The following GINS1 variants were observed in gnomAD, a reference collection of about 807,000 sequenced individuals.
The protein encoded by GINS1 is DNA replication complex GINS protein PSF1.
A neutral mutation model predicts 34.9 loss-of-function variants in GINS1; 26 were observed. The ratio of observed to expected loss-of-function variants is 0.74; its 90% CI spans 0.55 to 1.03. The LOEUF is 1.03. Among genes scored for constraint, GINS1 ranks in the 50% least tolerant of loss-of-function variants. GINS1 has a pLI of 0.00. For missense variants in GINS1, 235 were observed against 237.9 expected, an observed-to-expected ratio of 0.99 and a Z score of 0.08; for synonymous variants, 97 against 84.4, an observed-to-expected ratio of 1.15 and a Z score of -0.82.
Position 25,407,848 on chromosome 20 carries a change from A to C in GINS1, c.28A>C (p.Ile10Leu). The C allele has an allele frequency of 6.2e-7, 1 of 1,614,016 alleles. No homozygotes were observed. The highest frequency in any genetic ancestry group is 8.5e-7 in the Non-Finnish European group (1 of 1,179,980). The change falls in exon 1 of 7, where the codon ATC becomes CTC. Residue 10 changes from isoleucine to leucine, a missense_variant. Coordinates refer to ENST00000262460, the MANE Select transcript of GINS1 (RefSeq NM_021067.5). MFCEKAMEL[I>L]RELHRAPEGQ... ...GTTCTGCGAAAAAGCCATGGAACTG[A>C]TCCGCGAGCTGCATCGCGCGCCCGA...
chr20:25,429,064 C>G (rs1386907391), intron 5 of GINS1, among the ~76,000 whole-genome samples: 1 of 143,386 alleles, frequency 7.0e-6, no homozygotes, highest in East Asian at 2.2e-4. Context: ...TCTTGGCTCA[C>G]TGCAACCTCC....
At chr20:25,435,787 AAC>A (rs1419501002) in intron 5 of GINS1, among the ~76,000 whole-genome samples, 1,447 of 119,460 alleles carry the variant, frequency 0.012, 50 homozygotes, top group African/African-American at 0.038. Flanking sequence ...AAAAAAAAAA[AAC>A]CAACTTTTTG....
At chr20:25,425,409 G>A (rs2090385396) in intron 5 of GINS1, 82 bp downstream of exon 5, 10 of 639,302 alleles carry the variant, frequency 1.6e-5, no homozygotes, top group Admixed American at 2.6e-5. Context: ...ATATGAATAT[G>A]TGTTAGCTTC....
chr20:25,446,126 C>T lies in GINS1; in HGVS notation c.*135C>T. ...GTTTAAGATAACTAAGAATACTTGG[C>T]TAAGAAGTATAATTTGCTAACTATT... On this transcript the variant is annotated 3_prime_UTR_variant, in exon 7 of 7. Transcript: ENST00000262460. 1 of 512,334 alleles carries T rather than the reference C, an allele frequency of 2.0e-6. No homozygotes were observed. The allele number at this position is 512,334 out of a possible 1,614,324, so 31.7% of individuals were successfully genotyped here. A position where few individuals can be genotyped will look rare whatever the true frequency, so the allele number is the denominator to read the frequency against.
Position 25,418,951 on chromosome 20 carries a change from C to CT in GINS1, c.330+757dup, listed in dbSNP as rs549010408. Among the ~76,000 whole-genome samples the CT allele has an allele frequency of 1.1e-4, 16 of 152,344 alleles. No individual in the cohort carries two copies. In the South Asian group the frequency reaches 1.9e-3, roughly 18 times the overall value. On this transcript the variant is annotated intron_variant, in intron 4 of 6. Coordinates refer to ENST00000262460, the MANE Select transcript of GINS1 (RefSeq NM_021067.5). ...CTTTCTGGGGTAGCCAGTCCCAACT[C>CT]TGAGTCATCTTGTTAGCACAGACTA...
rs866823134 is a variant in GINS1, at chr20:25,412,081, C to A, written c.76-1709C>A. Among the ~76,000 whole-genome samples the A allele has an allele frequency of 2.6e-5, 4 of 152,118 alleles. No individual in the cohort carries two copies. In the Middle Eastern group the frequency reaches 0.014, roughly 517 times the overall value. On this transcript the variant is annotated intron_variant, in intron 1 of 6. Coordinates refer to ENST00000262460, the MANE Select transcript of GINS1 (RefSeq NM_021067.5). Reference sequence around the variant, plus strand: ...TGAGATCGCACTACTGCACTCCAACCTGGGCCACAGAGTGAGACTTCATCT... The same window carrying A: ...TGAGATCGCACTACTGCACTCCAACATGGGCCACAGAGTGAGACTTCATCT...
At chr20:25,443,651 G>A (rs903879434) in intron 6 of GINS1, among the ~76,000 whole-genome samples, 1 of 151,672 alleles carries the variant, frequency 6.6e-6, no homozygotes, top group Non-Finnish European at 1.5e-5. Context: ...GCTAATTTTT[G>A]TATATTTTTT....
At position 25,446,243 on chromosome 20, in the gene GINS1, C is replaced by G. The variant is rs921728320; in HGVS notation, c.*252C>G. On this transcript the variant is annotated 3_prime_UTR_variant, in exon 7 of 7. Coordinates refer to ENST00000262460, the MANE Select transcript of GINS1 (RefSeq NM_021067.5). Reference sequence around the variant, plus strand: ...GTAGAGACTGTCTCACTATGTTGCCCAAGCTGGTCTCAAACTCCTGGCCTC... The same window carrying G: ...GTAGAGACTGTCTCACTATGTTGCCGAAGCTGGTCTCAAACTCCTGGCCTC... 2 of 332,884 alleles carry G rather than the reference C, an allele frequency of 6.0e-6. No individual in the cohort carries two copies. The highest frequency in any genetic ancestry group is 9.3e-5 in the Admixed American group (2 of 21,610). 20.6% of individuals were successfully genotyped at this position (332,884 alleles called of 1,614,324 possible).
intron 5 of GINS1, among the ~76,000 whole-genome samples, chr20:25,428,969 C>CTCTTTTTTTTTTTTT (rs2090410211): frequency 1.6e-5 from 2 of 127,442 alleles, no homozygotes; most frequent in Admixed American, 8.0e-5. Context: ...ATTCCTCTCT[C>CTCTTTTTTTTTTTTT]TTTTTTTTTT....
At chr20:25,408,792 A>G (rs2090264197) in intron 1 of GINS1, 1 of 312,200 alleles carries the variant, frequency 3.2e-6, no homozygotes, top group African/African-American at 2.2e-5. Context: ...GCCTAAGGTG[A>G]CACAGCAAGA....
chr20:25,428,329 T>C (rs2146209402), intron 5 of GINS1, among the ~76,000 whole-genome samples: 1 of 151,978 alleles, frequency 6.6e-6, no homozygotes, highest in African/African-American at 2.4e-5. Flanking sequence ...TTAATTTTTG[T>C]ATGGTGTTAG....
chr20:25,410,260 G>A (rs1174530661), intron 1 of GINS1, among the ~76,000 whole-genome samples: 1 of 151,988 alleles, frequency 6.6e-6, no homozygotes, highest in Admixed American at 6.6e-5. Context: ...AGAATGGCTT[G>A]AATCTGGGAG....
intron 4 of GINS1, among the ~76,000 whole-genome samples, chr20:25,418,901 C>T (rs2090337587): frequency 6.6e-6 from 1 of 152,158 alleles, no homozygotes. Context: ...GGCCAAAGGC[C>T]CAATACTTTA....
At position 25,417,093 on chromosome 20, in the gene GINS1, G is replaced by T. The variant is rs756456834; in HGVS notation, c.141-11G>T. 5 of 1,275,956 alleles carry T rather than the reference G, an allele frequency of 3.9e-6. No homozygotes were observed. The highest frequency in any genetic ancestry group is 4.5e-6 in the Non-Finnish European group (4 of 886,784). 79.0% of individuals were successfully genotyped at this position (1,275,956 alleles called of 1,614,324 possible). On this transcript the variant is annotated splice_polypyrimidine_tract_variant and intron_variant, in intron 2 of 6. Transcript: ENST00000262460. ...GTACATATTTTTTTTCTTTTTAAAT[G>T]CTCCTATCAGGAATGAAGCAAAGTC... is the stretch of plus-strand genomic sequence containing the variant.
At chr20:25,411,868 G>A (rs977604093) in intron 1 of GINS1, among the ~76,000 whole-genome samples, 35 of 151,790 alleles carry the variant, frequency 2.3e-4, no homozygotes, top group African/African-American at 7.3e-4. Flanking sequence ...GCTTGGACCC[G>A]GGAGACGGAG....
chr20:25,407,734 G>T lies in GINS1; in HGVS notation c.-87G>T, dbSNP rs971833680. On this transcript the variant is annotated 5_prime_UTR_variant, in exon 1 of 7. Transcript: ENST00000262460. The stretch of plus-strand genomic sequence containing the variant: ...GAGCCTGGCGCTGTAGGACTAGAAC[G>T]AAAGGAGTGAGGCGCCGAGAGCCCA... The T allele has an allele frequency of 3.3e-5, 34 of 1,028,314 alleles. No homozygotes were observed. The Admixed American group carries it at 6.2e-4, about 19-fold the overall frequency. The allele number at this position is 1,028,314 out of a possible 1,614,324, so 63.7% of individuals were successfully genotyped here.
At chr20:25,412,803 G>A (rs915082930) in intron 1 of GINS1, among the ~76,000 whole-genome samples, 4 of 151,906 alleles carry the variant, frequency 2.6e-5, no homozygotes, top group African/African-American at 9.7e-5. Flanking sequence ...TACCTACTGT[G>A]TACCCACAAA....
rs2146230754 is a variant in GINS1 at position 25,446,972 on chromosome 20, G to A, written c.*981G>A. On this transcript the variant is annotated 3_prime_UTR_variant, in exon 7 of 7. Coordinates refer to ENST00000262460, the MANE Select transcript of GINS1 (RefSeq NM_021067.5). ...TTTTTTTTCCTTTTTACTTCTAGAAGTGTTATAATTTTAAGCTTTATACTT... is the reference window on the plus strand; with the variant it reads ...TTTTTTTTCCTTTTTACTTCTAGAAATGTTATAATTTTAAGCTTTATACTT... 1 of 151,054 alleles carries A rather than the reference G, an allele frequency of 6.6e-6. No homozygotes were observed. The highest frequency in any genetic ancestry group is 1.9e-4 in the East Asian group (1 of 5,162). The allele number at this position is 151,054 out of a possible 1,614,324, so 9.4% of individuals were successfully genotyped here.
chr20:25,434,262 G>A (rs1406132979), intron 5 of GINS1, among the ~76,000 whole-genome samples: 8 of 151,352 alleles, frequency 5.3e-5, no homozygotes, highest in Non-Finnish European at 1.0e-4. Flanking sequence ...CAGCCTGGGC[G>A]ACAGAATGAG....
Sources: allele counts gnomAD v4.1 joint callset (sites outside exome capture counted in the v4.1 genomes callset), GRCh38; gene constraint gnomAD v4.1.1; transcripts MANE v1.5; gene names NCBI Gene and HGNC (gene_info 2026-07-23, HGNC 2026-07-21).